The following FBXO34 variants were observed in gnomAD, a reference collection of about 807,000 sequenced individuals.
The protein encoded by FBXO34 is F-box protein 34, also known as F-box only protein 34.
In FBXO34, 12 loss-of-function variants were observed where a neutral mutation model predicts 24.5. The observed-to-expected ratio is 0.49, with a 90% CI of 0.31 to 0.79. FBXO34 has a LOEUF of 0.79. FBXO34 is among the 30% of genes least tolerant of loss of function. The probability of loss-of-function intolerance (pLI) is 0.04; values close to 1 mark genes in which losing one functional copy is unlikely to be tolerated. For synonymous variants in FBXO34, 320 were observed against 311.9 expected (o/e 1.03, Z -0.27); for missense variants, 823 against 857.7 (o/e 0.96, Z 0.51).
At chr14:55,346,960 A>T (rs1399147451) in intron 1 of FBXO34, among the ~76,000 whole-genome samples, 1 of 152,118 alleles carries the variant, frequency 6.6e-6, no homozygotes, top group African/African-American at 2.4e-5. Flanking sequence ...CTTACATTAG[A>T]TCTAACACAT....
chr14:55,427,895 T>C, the FBXO34 span, among the ~76,000 whole-genome samples: 15 of 150,468 alleles, frequency 1.0e-4, no homozygotes, highest in African/African-American at 3.7e-4. Flanking sequence ...TTTTTTTTTT[T>C]TTTGAGACGG....
intron 1 of FBXO34, among the ~76,000 whole-genome samples, chr14:55,278,906 C>T (rs1007055721): frequency 7.2e-5 from 11 of 152,280 alleles, no homozygotes; most frequent in Admixed American, 5.2e-4. Context: ...AGGCTAGTCT[C>T]GAGTTCCTGG....
intron 1 of FBXO34, among the ~76,000 whole-genome samples, chr14:55,341,873 C>T (rs1884005254): frequency 6.6e-6 from 1 of 152,170 alleles, no homozygotes; most frequent in African/African-American, 2.4e-5. Flanking sequence ...TATTTTGTCT[C>T]TATCCTGAAG....
chr14:55,303,917 T>C (rs989122389), intron 1 of FBXO34, among the ~76,000 whole-genome samples: 8 of 152,230 alleles, frequency 5.3e-5, no homozygotes, highest in Non-Finnish European at 1.5e-5. Context: ...TTGTGATTTA[T>C]GTGGTTCTTC....
At chr14:55,409,833 A>G in the FBXO34 span, among the ~76,000 whole-genome samples, 1 of 152,266 alleles carries the variant, frequency 6.6e-6, no homozygotes, top group Non-Finnish European at 1.5e-5. Flanking sequence ...GAAATGGAGG[A>G]GTAGCATAAC....
intron 1 of FBXO34, among the ~76,000 whole-genome samples, chr14:55,330,162 C>T (rs1445524923): frequency 6.6e-6 from 1 of 152,126 alleles, no homozygotes. Context: ...TAACAAACAG[C>T]GACTTAAAAA....
At chr14:55,294,182 C>G (rs564026734) in intron 1 of FBXO34, among the ~76,000 whole-genome samples, 1 of 152,218 alleles carries the variant, frequency 6.6e-6, no homozygotes, top group African/African-American at 2.4e-5. Flanking sequence ...GAAACATGCT[C>G]TGTAGAATTT....
chr14:55,352,468 G>A lies in FBXO34; in HGVS notation c.2078G>A (p.Ser693Asn). ...HDNHWVPACH[S>N]FNRAIHKKAK... is the part of the protein sequence containing the mutation. ...AATCACTGGGTTCCTGCCTGCCACA[G>A]CTTTAATCGGGCAATCCATAAGAAA... Residue 693 changes from serine (S) to asparagine (N), a missense_variant, in exon 2 of 2, where the codon AGC (serine) becomes AAC (asparagine). This residue lies in a region of FBXO34 where 130 missense variants were observed against 198.6 expected (regional missense o/e 0.65). Transcript: ENST00000313833. 1 of 1,613,946 alleles carries A rather than the reference G, an allele frequency of 6.2e-7. No homozygotes were observed. The highest frequency in any genetic ancestry group is 2.2e-5 in the East Asian group (1 of 44,880).
the FBXO34 span, among the ~76,000 whole-genome samples, chr14:55,377,334 T>G: frequency 6.6e-6 from 1 of 151,080 alleles, no homozygotes; most frequent in African/African-American, 2.4e-5. Flanking sequence ...GTGACAAGGG[T>G]GAAACCCCAT....
At chr14:55,399,729 C>A in the FBXO34 span, among the ~76,000 whole-genome samples, 82 of 152,274 alleles carry the variant, frequency 5.4e-4, no homozygotes, top group African/African-American at 1.9e-3. Context: ...AATAAACTCA[C>A]AAGTTAGCAA....
intron 1 of FBXO34, among the ~76,000 whole-genome samples, chr14:55,345,980 G>A (rs1884147515): frequency 6.6e-6 from 1 of 152,178 alleles, no homozygotes; most frequent in Non-Finnish European, 1.5e-5. Context: ...ACTGTAGCCT[G>A]GGTGACAGAG....
At chr14:55,439,787 C>A in the FBXO34 span, among the ~76,000 whole-genome samples, 1 of 151,624 alleles carries the variant, frequency 6.6e-6, no homozygotes, top group Non-Finnish European at 1.5e-5. Context: ...AAAAATTAGC[C>A]GGGCGTAGTG....
chr14:55,360,929 TGGA>T (rs1426696045), intron 3 of FBXO34, among the ~76,000 whole-genome samples: 1 of 151,256 alleles, frequency 6.6e-6, no homozygotes, highest in Non-Finnish European at 1.5e-5. Flanking sequence ...ACTCGTGAGG[TGGA>T]GGTTGCGGTG....
the FBXO34 span, chr14:55,377,672 CTTTG>C: frequency 2.1e-6 from 1 of 467,762 alleles, no homozygotes; most frequent in African/African-American, 2.0e-5. Flanking sequence ...ATATAATTAC[CTTTG>C]TTTCTTTCTG....
chr14:55,398,101 C>T, the FBXO34 span, among the ~76,000 whole-genome samples: 5 of 152,032 alleles, frequency 3.3e-5, no homozygotes, highest in Admixed American at 2.0e-4. Context: ...GCGCCTGCCA[C>T]CATGCCCAGC....
At chr14:55,344,736 C>G (rs1188712565) in intron 1 of FBXO34, among the ~76,000 whole-genome samples, 2 of 151,968 alleles carry the variant, frequency 1.3e-5, no homozygotes, top group African/African-American at 4.8e-5. Flanking sequence ...CACCACCCAC[C>G]AACATCCCCA....
the FBXO34 span, chr14:55,440,556 G>C: frequency 3.2e-6 from 5 of 1,582,330 alleles, no homozygotes; most frequent in Non-Finnish European, 4.3e-6. Flanking sequence ...TTATGAGCCT[G>C]GGGGCAGCGA....
the FBXO34 span, among the ~76,000 whole-genome samples, chr14:55,385,422 A>T: frequency 6.6e-6 from 1 of 152,188 alleles, no homozygotes; most frequent in African/African-American, 2.4e-5. Context: ...CCACCTGAGT[A>T]GCTGGGACTA....
At chr14:55,306,855 A>AACAAAACAAG (rs1032948359) in intron 1 of FBXO34, among the ~76,000 whole-genome samples, 2 of 151,930 alleles carry the variant, frequency 1.3e-5, no homozygotes, top group Non-Finnish European at 2.9e-5. Flanking sequence ...AACAAAACAA[A>AACAAAACAAG]AAACAGGCCA....
Sources: gnomAD v4.1 joint callset for allele counts (sites outside exome capture counted in the v4.1 genomes callset) on GRCh38, gnomAD v4.1.1 for gene constraint, gnomAD v4.1.1 regional missense constraint, MANE v1.5 for transcripts, NCBI Gene and HGNC (gene_info 2026-07-23, HGNC 2026-07-21) for gene names.